SORCS3: variants seen among roughly 807,000 people sequenced by gnomAD.
The protein encoded by SORCS3 is sortilin related VPS10 domain containing receptor 3, also known as VPS10 domain-containing receptor SorCS3.
Under a neutral mutation model 146.3 loss-of-function variants are expected in SORCS3, and 57 were observed. The ratio of observed to expected loss-of-function variants is 0.39; its 90% confidence interval spans 0.31 to 0.49. The LOEUF is 0.49. SORCS3 is among the 20% of genes least tolerant of loss of function. SORCS3 has a pLI of 0.92. For synonymous variants in SORCS3, 653 were observed against 618.5 expected, an observed-to-expected ratio of 1.06 and a Z score of -0.83; for missense variants, 1,341 against 1,575.5, an observed-to-expected ratio of 0.85 and a Z score of 2.52.
intron 1 of SORCS3, among the ~76,000 whole-genome samples, chr10:104,695,013 G>C (rs548743380): frequency 6.6e-6 from 1 of 152,134 alleles, no homozygotes; most frequent in African/African-American, 2.4e-5. Flanking sequence ...ATCAGGGCTC[G>C]ATAAATTTCA....
At position 105,247,209 on chromosome 10, in the gene SORCS3, C is replaced by G. The variant is rs1224811355; in HGVS notation, c.2993-10C>G. On this transcript the variant is annotated splice_polypyrimidine_tract_variant and intron_variant, in intron 21 of 26. Transcript: ENST00000369701. Reference sequence around the variant, plus strand: ...TCCCAGCCTCACTTAAACATTCTCTCTCCCTGCAGAATATTTCCAGTCCCA... The same window carrying G: ...TCCCAGCCTCACTTAAACATTCTCTGTCCCTGCAGAATATTTCCAGTCCCA... The G allele has an allele frequency of 6.7e-7, 1 of 1,500,954 alleles. No individual in the cohort carries two copies. The highest frequency in any genetic ancestry group is 1.1e-5 in the South Asian group (1 of 87,332). The allele number at this position is 1,500,954 out of a possible 1,614,324, so 93.0% of individuals were successfully genotyped here. A position where few individuals can be genotyped will look rare whatever the true frequency, so the allele number is the denominator to read the frequency against.
At chr10:105,105,924 C>G (rs1183642119) in intron 7 of SORCS3, among the ~76,000 whole-genome samples, 1 of 152,182 alleles carries the variant, frequency 6.6e-6, no homozygotes, top group African/African-American at 2.4e-5. Context: ...ATACCTACTA[C>G]TCACTAAACT....
intron 12 of SORCS3, among the ~76,000 whole-genome samples, chr10:105,165,271 T>C (rs976954036): frequency 3.9e-5 from 6 of 152,076 alleles, no homozygotes; most frequent in South Asian, 2.1e-4. Flanking sequence ...AGTGGCATTA[T>C]TAGCATACAA....
rs536236004 is a variant in SORCS3 at position 104,987,408 on chromosome 10, A to G, written c.954+9915A>G. 4.8e-3 allele frequency among the ~76,000 whole-genome samples: 734 copies of G among 152,280 alleles called. 5 individuals are homozygous for G. The highest frequency in any genetic ancestry group is 0.014 in the Middle Eastern group (4 of 294). On this transcript the variant is annotated intron_variant, in intron 4 of 26. Transcript: ENST00000369701. ...TTAAAAATTCTTTAAGTAATATACCATGACTAGTTTATGTTTATCCTAGTT... is the reference window on the plus strand; with the variant it reads ...TTAAAAATTCTTTAAGTAATATACCGTGACTAGTTTATGTTTATCCTAGTT...
At position 104,714,405 on chromosome 10, in the gene SORCS3, C is replaced by G. The variant is rs568979775; in HGVS notation, c.627+72451C>G. Among the ~76,000 whole-genome samples, 17 of 152,106 alleles carry G rather than the reference C, an allele frequency of 1.1e-4. No individual in the cohort carries two copies. In the South Asian group the frequency reaches 2.1e-3, roughly 19 times the overall value. ...ATATGCACTTAATGCTATATTTTTC[C>G]TGTTAGGCACTACTTTTTCTGCATC... On this transcript the variant is annotated intron_variant, in intron 1 of 26. Transcript: ENST00000369701.
intron 2 of SORCS3, among the ~76,000 whole-genome samples, chr10:104,905,300 C>G (rs2133592915): frequency 6.6e-6 from 1 of 152,298 alleles, no homozygotes; most frequent in East Asian, 1.9e-4. Flanking sequence ...AAAAGGAGAG[C>G]TGTAATTCAC....
At chr10:105,178,197 A>G in intron 14 of SORCS3, 24 bp downstream of exon 14, 3 of 1,559,578 alleles carry the variant, frequency 1.9e-6, no homozygotes, top group Non-Finnish European at 2.6e-6. Flanking sequence ...TTGCTGTGAC[A>G]GGAAGAAGAC....
chr10:104,891,978 T>C (rs1434473793), intron 2 of SORCS3, among the ~76,000 whole-genome samples: 1 of 152,230 alleles, frequency 6.6e-6, no homozygotes, highest in African/African-American at 2.4e-5. Flanking sequence ...CTTTGATCCT[T>C]ATTTGTTAAA....
intron 1 of SORCS3, among the ~76,000 whole-genome samples, chr10:104,708,946 G>A (rs1029639269): frequency 4.6e-5 from 7 of 152,180 alleles, no homozygotes; most frequent in Admixed American, 2.6e-4. Context: ...GGCTGCGCCT[G>A]CTATTATGAC....
At chr10:104,937,041 A>AG (rs2019267307) in intron 3 of SORCS3, among the ~76,000 whole-genome samples, 1 of 152,190 alleles carries the variant, frequency 6.6e-6, no homozygotes, top group Non-Finnish European at 1.5e-5. Flanking sequence ...ATGGGGGCAC[A>AG]GGGGGTGATT....
At chr10:104,876,811 C>T (rs1214042706) in intron 2 of SORCS3, among the ~76,000 whole-genome samples, 2 of 143,630 alleles carry the variant, frequency 1.4e-5, no homozygotes, top group Admixed American at 1.4e-4. Context: ...CTTTCTCTTT[C>T]TCTCCTTCTT....
intron 3 of SORCS3, among the ~76,000 whole-genome samples, chr10:104,959,086 C>T (rs2054773897): frequency 6.6e-6 from 1 of 152,126 alleles, no homozygotes; most frequent in Non-Finnish European, 1.5e-5. Flanking sequence ...GCCCTGCAGA[C>T]ACCTGGATTT....
intron 13 of SORCS3, among the ~76,000 whole-genome samples, chr10:105,175,510 G>A (rs1475281490): frequency 1.3e-5 from 2 of 152,176 alleles, no homozygotes; most frequent in South Asian, 2.1e-4. Context: ...TTACCTTCCG[G>A]ACTTATTGGC....
intron 9 of SORCS3, among the ~76,000 whole-genome samples, chr10:105,156,609 G>A (rs138100379): frequency 6.6e-6 from 1 of 152,282 alleles, no homozygotes; most frequent in Non-Finnish European, 1.5e-5. Context: ...CAGATGATAT[G>A]GGAGTTATCC....
intron 15 of SORCS3, among the ~76,000 whole-genome samples, chr10:105,200,514 G>A (rs930854375): frequency 6.6e-6 from 1 of 152,100 alleles, no homozygotes; most frequent in Non-Finnish European, 1.5e-5. Flanking sequence ...CAGAGCACTG[G>A]GAACAGGTCC....
At chr10:105,076,654 C>T (rs942746079) in intron 5 of SORCS3, among the ~76,000 whole-genome samples, 1 of 152,164 alleles carries the variant, frequency 6.6e-6, no homozygotes, top group African/African-American at 2.4e-5. Flanking sequence ...CTCTTTTATA[C>T]CCACTTTTGA....
At chr10:104,775,197 C>T (rs2017295094) in intron 1 of SORCS3, among the ~76,000 whole-genome samples, 1 of 152,128 alleles carries the variant, frequency 6.6e-6, no homozygotes, top group Non-Finnish European at 1.5e-5. Context: ...TAGCTTTGGC[C>T]TTGGGCACAC....
chr10:104,684,025 C>G (rs1434227460), intron 1 of SORCS3, among the ~76,000 whole-genome samples: 1 of 152,180 alleles, frequency 6.6e-6, no homozygotes, highest in Non-Finnish European at 1.5e-5. Context: ...CATGCTATCA[C>G]CTCCACCAGG....
At chr10:104,786,260 CA>C (rs71482438) in intron 1 of SORCS3, among the ~76,000 whole-genome samples, 1,246 of 110,552 alleles carry the variant, frequency 0.011, 12 homozygotes, top group African/African-American at 0.026. Flanking sequence ...AATTGGAAGC[CA>C]AAAAAAAAAA....
Sources: gnomAD v4.1 joint callset for allele counts (sites outside exome capture counted in the v4.1 genomes callset) on GRCh38, gnomAD v4.1.1 for gene constraint, MANE v1.5 for transcripts, NCBI Gene and HGNC (gene_info 2026-07-23, HGNC 2026-07-21) for gene names.